The following CSMD2 variants were observed in gnomAD, a reference collection of about 807,000 sequenced individuals.
CSMD2 encodes the protein CUB and Sushi multiple domains 2, also known as CUB and sushi domain-containing protein 2.
In CSMD2, 130 loss-of-function variants were observed where a neutral mutation model predicts 398.5. The ratio of observed to expected loss-of-function variants is 0.33; its 90% CI spans 0.28 to 0.38. The LOEUF (loss-of-function observed/expected upper bound fraction) is 0.38, where lower values mean the gene tolerates loss of function less well. Among genes scored for constraint, CSMD2 ranks in the 10% least tolerant of loss-of-function variants. CSMD2 has a pLI of 1.00. For synonymous variants in CSMD2, 1,828 were observed against 1,908.5 expected (o/e 0.96, Z 1.10); for missense variants, 3,829 against 4,764.9 (o/e 0.80, Z 5.78).
At chr1:33,715,857 G>GA (rs1301222557) in intron 20 of CSMD2, among the ~76,000 whole-genome samples, 2 of 151,440 alleles carry the variant, frequency 1.3e-5, no homozygotes, top group Non-Finnish European at 2.9e-5. Context: ...TAGCATTGAT[G>GA]AAAAAGATCC....
At chr1:34,007,619 G>A (rs1401306588) in intron 3 of CSMD2, among the ~76,000 whole-genome samples, 1 of 152,122 alleles carries the variant, frequency 6.6e-6, no homozygotes, top group African/African-American at 2.4e-5. Flanking sequence ...GAAATAATCA[G>A]ATGCATCCCA....
chr1:33,939,939 C>T (rs894794337), intron 3 of CSMD2, among the ~76,000 whole-genome samples: 1 of 152,238 alleles, frequency 6.6e-6, no homozygotes, highest in Non-Finnish European at 1.5e-5. Context: ...GATACTTTTT[C>T]ATCCTGTAAG....
chr1:33,737,667 T>C (rs17538017), intron 15 of CSMD2, among the ~76,000 whole-genome samples: 3,099 of 152,252 alleles, frequency 0.02, 60 homozygotes, highest in Non-Finnish European at 0.03. Context: ...AGGCCTTTCA[T>C]TGATATGCGT....
chr1:33,528,955 C>G (rs1340165963), intron 64 of CSMD2, among the ~76,000 whole-genome samples: 1 of 152,144 alleles, frequency 6.6e-6, no homozygotes, highest in Non-Finnish European at 1.5e-5. Flanking sequence ...GCAATACTCC[C>G]CAAATTGATC....
intron 10 of CSMD2, among the ~76,000 whole-genome samples, chr1:33,808,978 GA>G (rs56303874): frequency 0.12 from 17,567 of 148,962 alleles, 1,848 homozygotes; most frequent in African/African-American, 0.28. Context: ...ATGGAGTCAA[GA>G]AAAAAAAAAC....
chr1:33,689,903 G>A (rs1645179042), intron 25 of CSMD2, among the ~76,000 whole-genome samples: 1 of 152,166 alleles, frequency 6.6e-6, no homozygotes. Flanking sequence ...AGGTACGCGG[G>A]TACTTGGTGT....
intron 2 of CSMD2, among the ~76,000 whole-genome samples, chr1:34,043,448 T>G (rs1393522423): frequency 6.6e-6 from 1 of 152,230 alleles, no homozygotes; most frequent in Non-Finnish European, 1.5e-5. Flanking sequence ...TTCTACTTTG[T>G]AACATTCATC....
At chr1:33,854,150 C>T (rs1207657017) in intron 5 of CSMD2, among the ~76,000 whole-genome samples, 4 of 152,186 alleles carry the variant, frequency 2.6e-5, no homozygotes, top group South Asian at 4.1e-4. Flanking sequence ...GAAACCTGTC[C>T]TTTGTTGCTA....
At chr1:33,743,727 G>A in intron 13 of CSMD2, 121 bp from the exon 14 acceptor site, 1 of 736,760 alleles carries the variant, frequency 1.4e-6, no homozygotes, top group Non-Finnish European at 2.2e-6. Context: ...AGTGGCACAA[G>A]GGTTGGGCTG....
chr1:33,739,827 G>A (rs570173969), intron 14 of CSMD2, among the ~76,000 whole-genome samples: 3 of 152,182 alleles, frequency 2.0e-5, no homozygotes, highest in South Asian at 4.2e-4. Flanking sequence ...CATAAAGGAG[G>A]TGCCCTAGAA....
At chr1:33,532,555 A>G (rs1655342268) in intron 64 of CSMD2, among the ~76,000 whole-genome samples, 1 of 152,202 alleles carries the variant, frequency 6.6e-6, no homozygotes, top group Admixed American at 6.5e-5. Context: ...ATAAAATCTG[A>G]TAACGTGTCT....
At chr1:34,125,064 G>A (rs1369925038) in intron 1 of CSMD2, among the ~76,000 whole-genome samples, 1 of 152,168 alleles carries the variant, frequency 6.6e-6, no homozygotes, top group African/African-American at 2.4e-5. Flanking sequence ...CATATATCCA[G>A]CTAACGTAAT....
At chr1:33,583,170 G>A (rs1638848347) in intron 47 of CSMD2, among the ~76,000 whole-genome samples, 1 of 152,184 alleles carries the variant, frequency 6.6e-6, no homozygotes, top group East Asian at 1.9e-4. Context: ...TGCTCCAGAG[G>A]GTAAGAGGTA....
intron 3 of CSMD2, among the ~76,000 whole-genome samples, chr1:33,977,028 C>A (rs529219756): frequency 6.6e-6 from 1 of 151,832 alleles, no homozygotes; most frequent in Non-Finnish European, 1.5e-5. Flanking sequence ...GTTATTCAAG[C>A]AAAGAGGCAG....
intron 2 of CSMD2, among the ~76,000 whole-genome samples, chr1:34,058,527 G>A (rs1654113543): frequency 6.6e-6 from 1 of 152,246 alleles, no homozygotes; most frequent in South Asian, 2.1e-4. Context: ...TGTGGCATCA[G>A]AATGGAATAT....
At position 34,097,120 on chromosome 1, in the gene CSMD2, T is replaced by C. The variant is rs1323557431; in HGVS notation, c.188-7927A>G. On this transcript the variant is annotated intron_variant, in intron 1 of 70. Coordinates refer to ENST00000373381, the MANE Select transcript of CSMD2 (RefSeq NM_001281956.2). Reference sequence around the variant, plus strand: ...AGAAATAACGCCGCATATCTACAACTATCTGATCTTTGACAAACCTGAGAA... The same window carrying C: ...AGAAATAACGCCGCATATCTACAACCATCTGATCTTTGACAAACCTGAGAA... 3.8e-4 allele frequency among the ~76,000 whole-genome samples: 55 copies of C among 144,266 alleles called. No homozygotes were observed. In the East Asian group the frequency reaches 0.011, roughly 30 times the overall value. 94.6% of individuals were successfully genotyped at this position (144,266 alleles called of 152,430 possible). A position where few individuals can be genotyped will look rare whatever the true frequency, so the allele number is the denominator to read the frequency against.
rs187561969 is a variant in CSMD2, at chr1:33,917,693, T to C, written c.920+401A>G. Among the ~76,000 whole-genome samples the C allele has an allele frequency of 1.8e-3, 276 of 152,314 alleles. 2 individuals carry two copies. The highest frequency in any genetic ancestry group is 3.0e-3 in the Non-Finnish European group (202 of 68,030). On this transcript the variant is annotated intron_variant, in intron 5 of 70. Transcript: ENST00000373381. ...AATTAAGACTAAAAATGTTCTAGTCTCAGCAATGGTCACTTATGGTTCTAG... is the reference window on the plus strand; with the variant it reads ...AATTAAGACTAAAAATGTTCTAGTCCCAGCAATGGTCACTTATGGTTCTAG...
At chr1:33,731,253 T>C in intron 15 of CSMD2, among the ~76,000 whole-genome samples, 1 of 152,150 alleles carries the variant, frequency 6.6e-6, no homozygotes, top group East Asian at 1.9e-4. Context: ...TATCTCGGAG[T>C]AACCAAATAG....
chr1:33,710,288 C>G (rs1645940634), intron 21 of CSMD2, among the ~76,000 whole-genome samples: 1 of 152,134 alleles, frequency 6.6e-6, no homozygotes, highest in Admixed American at 6.5e-5. Flanking sequence ...TGCTTGCTGC[C>G]TGTCCTGTGT....
Sources: gnomAD v4.1 joint callset for allele counts (sites outside exome capture counted in the v4.1 genomes callset) on GRCh38, gnomAD v4.1.1 for gene constraint, MANE v1.5 for transcripts, NCBI Gene and HGNC (gene_info 2026-07-23, HGNC 2026-07-21) for gene names.